CADM2: variants seen among roughly 807,000 people sequenced by gnomAD.
CADM2 encodes immunoglobulin superfamily member 4D.
A neutral mutation model predicts 49.8 loss-of-function variants in CADM2; 12 were observed. That is an observed-to-expected ratio of 0.24 (90% CI 0.15 to 0.39). The LOEUF is 0.39. Ranked by LOEUF, CADM2 falls within the 10% of genes least tolerant of loss-of-function variation. The pLI is 1.00. For synonymous variants in CADM2, 214 were observed against 175.4 expected (o/e 1.22, Z -1.74); for missense variants, 378 against 492.3 (o/e 0.77, Z 2.20).
intron 1 of CADM2, among the ~76,000 whole-genome samples, chr3:85,354,310 A>G (rs1211063812): frequency 1.5e-5 from 2 of 137,734 alleles, no homozygotes; most frequent in African/African-American, 5.4e-5. Context: ...CAATGAGAAC[A>G]CATGGACACA....
intron 1 of CADM2, among the ~76,000 whole-genome samples, chr3:85,149,109 T>A (rs12497149): frequency 0.15 from 23,441 of 151,774 alleles, 1,963 homozygotes; most frequent in Non-Finnish European, 0.19. Context: ...CTTTTTTTTT[T>A]AAAAAAATCA....
At chr3:85,561,412 A>G (rs1333122551) in intron 1 of CADM2, among the ~76,000 whole-genome samples, 1 of 152,218 alleles carries the variant, frequency 6.6e-6, no homozygotes, top group East Asian at 1.9e-4. Context: ...ATTCCTTGGA[A>G]TAAAGGGAAT....
chr3:85,639,470 C>T (rs2064637158), intron 1 of CADM2, among the ~76,000 whole-genome samples: 2 of 152,110 alleles, frequency 1.3e-5, no homozygotes, highest in Non-Finnish European at 2.9e-5. Context: ...CATCACATGC[C>T]ATTGACTTTT....
intron 1 of CADM2, among the ~76,000 whole-genome samples, chr3:85,327,354 C>G (rs2044781621): frequency 6.6e-6 from 1 of 152,006 alleles, no homozygotes; most frequent in African/African-American, 2.4e-5. Flanking sequence ...CTCCCGAGTT[C>G]AAGTAATTCT....
chr3:85,353,277 A>G (rs1274070415), intron 1 of CADM2, among the ~76,000 whole-genome samples: 2 of 152,066 alleles, frequency 1.3e-5, no homozygotes, highest in Non-Finnish European at 2.9e-5. Context: ...CTATTAGAGC[A>G]CTTCAGTAAA....
intron 1 of CADM2, among the ~76,000 whole-genome samples, chr3:85,298,101 T>G (rs1177123623): frequency 1.3e-5 from 2 of 152,068 alleles, no homozygotes; most frequent in African/African-American, 2.4e-5. Context: ...CCGTGTTTGC[T>G]GTGGATATAT....
chr3:86,010,271 A>C (rs1292894472), intron 8 of CADM2, among the ~76,000 whole-genome samples: 2 of 151,998 alleles, frequency 1.3e-5, no homozygotes, highest in Non-Finnish European at 2.9e-5. Flanking sequence ...AGATGTACAT[A>C]CAATTCTGCT....
At chr3:86,023,416 C>T (rs1405050695) in intron 8 of CADM2, among the ~76,000 whole-genome samples, 1 of 151,870 alleles carries the variant, frequency 6.6e-6, no homozygotes, top group African/African-American at 2.4e-5. Flanking sequence ...GAGTTTTGCT[C>T]TTGTTGCCCA....
At chr3:85,272,122 G>A (rs1005452281) in intron 1 of CADM2, among the ~76,000 whole-genome samples, 2 of 150,930 alleles carry the variant, frequency 1.3e-5, no homozygotes, top group African/African-American at 2.4e-5. Context: ...AATGATCCAA[G>A]GTCACAGGGC....
intron 1 of CADM2, among the ~76,000 whole-genome samples, chr3:85,220,325 G>C (rs1422404423): frequency 2.0e-5 from 3 of 151,924 alleles, no homozygotes; most frequent in African/African-American, 7.3e-5. Context: ...ACAATTTTTG[G>C]GGAAAATTTG....
chr3:85,407,092 C>T (rs2035419442), intron 1 of CADM2, among the ~76,000 whole-genome samples: 1 of 152,040 alleles, frequency 6.6e-6, no homozygotes, highest in Non-Finnish European at 1.5e-5. Flanking sequence ...ATGCCAGCTA[C>T]TGGAAAGTCT....
At chr3:85,498,635 T>G (rs763817061) in intron 1 of CADM2, among the ~76,000 whole-genome samples, 1 of 152,210 alleles carries the variant, frequency 6.6e-6, no homozygotes, top group Non-Finnish European at 1.5e-5. Flanking sequence ...TGATTTATTA[T>G]AAATTAATAC....
intron 1 of CADM2, among the ~76,000 whole-genome samples, chr3:85,601,039 C>T (rs1223478634): frequency 6.8e-6 from 1 of 148,012 alleles, no homozygotes; most frequent in East Asian, 2.0e-4. Context: ...TGTATATATT[C>T]ATATACATAC....
At chr3:85,113,686 G>GT (rs5850669) in intron 1 of CADM2, among the ~76,000 whole-genome samples, 16,889 of 136,388 alleles carry the variant, frequency 0.12, 1,888 homozygotes, top group African/African-American at 0.3. Context: ...TTATTCATTC[G>GT]TTTTTTTTTT....
intron 1 of CADM2, among the ~76,000 whole-genome samples, chr3:85,543,648 T>C (rs2061601889): frequency 6.6e-6 from 1 of 152,102 alleles, no homozygotes; most frequent in Non-Finnish European, 1.5e-5. Flanking sequence ...GGGTAATTTA[T>C]AACAAACAGA....
intron 8 of CADM2, among the ~76,000 whole-genome samples, chr3:86,043,979 A>T (rs575406580): frequency 4.9e-4 from 75 of 151,858 alleles, no homozygotes; most frequent in Non-Finnish European, 9.4e-4. Context: ...CCTATTTAAT[A>T]AATGGTGCTG....
intron 1 of CADM2, among the ~76,000 whole-genome samples, chr3:85,631,378 A>G (rs997574582): frequency 2.0e-5 from 3 of 152,104 alleles, no homozygotes; most frequent in African/African-American, 7.2e-5. Context: ...ACTGTATGTA[A>G]TTGAAACTCT....
intron 1 of CADM2, among the ~76,000 whole-genome samples, chr3:84,964,521 T>C (rs1490850520): frequency 6.6e-6 from 1 of 152,202 alleles, no homozygotes; most frequent in Non-Finnish European, 1.5e-5. Context: ...TATTAGACTG[T>C]ATTAAACCCA....
chr3:85,693,723 CAAAAAAAA>C (rs397807084), intron 1 of CADM2, among the ~76,000 whole-genome samples: 1 of 66,556 alleles, frequency 1.5e-5, no homozygotes, highest in African/African-American at 6.3e-5. Context: ...ACGTATCTAC[CAAAAAAAA>C]AAAAAAAAAA....
Sources: allele counts gnomAD v4.1 joint callset (sites outside exome capture counted in the v4.1 genomes callset), GRCh38; gene constraint gnomAD v4.1.1; transcripts MANE v1.5; gene names NCBI Gene and HGNC (gene_info 2026-07-23, HGNC 2026-07-21).